ZNF562: variants seen among roughly 807,000 people sequenced by gnomAD.
ZNF562 encodes zinc finger protein 562.
A neutral mutation model predicts 17.5 loss-of-function variants in ZNF562; 13 were observed. The observed-to-expected ratio is 0.74, with a 90% CI of 0.48 to 1.18. The LOEUF (loss-of-function observed/expected upper bound fraction) is 1.18. Ranked by LOEUF, ZNF562 falls within the 50% of genes most tolerant of loss-of-function variation. The pLI is 0.00. For synonymous variants in ZNF562, 163 were observed against 165.4 expected, an observed-to-expected ratio of 0.99 and a Z score of 0.11; for missense variants, 481 against 498.5, an observed-to-expected ratio of 0.96 and a Z score of 0.33.
intron 1 of ZNF562, among the ~76,000 whole-genome samples, chr19:9,666,121 T>G (rs1049217729): frequency 1.3e-5 from 2 of 151,860 alleles, no homozygotes; most frequent in Non-Finnish European, 2.9e-5. Flanking sequence ...GGTCAGGAGT[T>G]CAAGACCAGC....
intron 5 of ZNF562, among the ~76,000 whole-genome samples, chr19:9,654,261 G>A (rs1450887751): frequency 6.6e-6 from 1 of 152,034 alleles, no homozygotes; most frequent in East Asian, 1.9e-4. Flanking sequence ...AAAGTGGTAA[G>A]ATTACAGGCG....
At chr19:9,671,876 T>G (rs2044212608) in intron 1 of ZNF562, among the ~76,000 whole-genome samples, 1 of 152,198 alleles carries the variant, frequency 6.6e-6, no homozygotes, top group African/African-American at 2.4e-5. Flanking sequence ...AATGAACAAC[T>G]AGTCATGGGA....
chr19:9,661,523 C>T (rs776500955), intron 1 of ZNF562, among the ~76,000 whole-genome samples: 7 of 152,188 alleles, frequency 4.6e-5, no homozygotes, highest in South Asian at 2.1e-4. Context: ...TGGTCAGGCA[C>T]GGTGGCTCAT....
chr19:9,654,337 A>G (rs955284608), intron 5 of ZNF562, among the ~76,000 whole-genome samples: 8 of 152,150 alleles, frequency 5.3e-5, no homozygotes, highest in African/African-American at 1.9e-4. Flanking sequence ...TGCCTGGTCT[A>G]TAGTGCACTG....
chr19:9,654,002 T>TC (rs1389682879), intron 5 of ZNF562, 121 bp from the exon 6 acceptor site: 3 of 1,231,380 alleles, frequency 2.4e-6, no homozygotes, highest in African/African-American at 3.1e-5. Flanking sequence ...ATTTTTTTTT[T>TC]TTTTTTGAGA....
intron 4 of ZNF562, among the ~76,000 whole-genome samples, chr19:9,657,126 C>T (rs1475412955): frequency 6.6e-6 from 1 of 150,876 alleles, no homozygotes; most frequent in Non-Finnish European, 1.5e-5. Flanking sequence ...GGGTTTATTA[C>T]ACAACTGATG....
intron 1 of ZNF562, among the ~76,000 whole-genome samples, chr19:9,668,828 C>A (rs1231992928): frequency 6.6e-6 from 1 of 152,026 alleles, no homozygotes; most frequent in Non-Finnish European, 1.5e-5. Flanking sequence ...CATGTACAGA[C>A]AGCTCATTTT....
chr19:9,653,046 G>A lies in ZNF562; in HGVS notation c.1184C>T (p.Thr395Ile), dbSNP rs765004265. The A allele has an allele frequency of 5.6e-6, 9 of 1,598,640 alleles. No individual in the cohort carries two copies. Among genetic ancestry groups the A allele is most frequent in the Non-Finnish European group, 7.7e-6 (9 of 1,172,252 alleles). Residue 395 changes from threonine to isoleucine, a missense_variant, in exon 6 of 6, where the codon ACA (threonine) becomes ATA (isoleucine). Transcript: ENST00000453372. Reference sequence around the variant, plus strand: ...AACACATTCATAAGGCTTCTCTCCTGTGTGAATTCTTCTATGTTGAGTAAG... The same window carrying A: ...AACACATTCATAAGGCTTCTCTCCTATGTGAATTCTTCTATGTTGAGTAAG... ...STLTQHRRIHTGEKPYECVEC... is the reference protein window; with the variant it reads ...STLTQHRRIHIGEKPYECVEC...
At position 9,652,845 on chromosome 19, in the gene ZNF562, G is replaced by GAGCA. The variant is rs1166433404; in HGVS notation, c.*100_*103dup. ...TCATGCATACTTAGGCATGAGGAAA[G>GAGCA]AGCAAATGCTTTCCCAAATTCTTTA... On this transcript the variant is annotated 3_prime_UTR_variant, in exon 6 of 6. Transcript: ENST00000453372. The GAGCA allele has an allele frequency of 3.6e-6, 4 of 1,096,388 alleles. No homozygotes were observed. The highest frequency in any genetic ancestry group is 1.6e-5 in the African/African-American group (1 of 63,466). The allele number at this position is 1,096,388 out of a possible 1,614,324, so 67.9% of individuals were successfully genotyped here. A position where few individuals can be genotyped will look rare whatever the true frequency, so the allele number is the denominator to read the frequency against.
Position 9,651,308 on chromosome 19 carries a change from G to C in ZNF562, c.*1641C>G, listed in dbSNP as rs756865875. ...TTGATATAAAGTGGTGAAGAACTTG[G>C]CAGAACTGTATTCTAGCATTTTACG... On this transcript the variant is annotated 3_prime_UTR_variant, in exon 6 of 6. Transcript: ENST00000453372. 1 of 152,290 alleles carries C rather than the reference G, an allele frequency of 6.6e-6. No homozygotes were observed. The highest frequency in any genetic ancestry group is 2.1e-4 in the South Asian group (1 of 4,830). 9.4% of individuals were successfully genotyped at this position (152,290 alleles called of 1,614,324 possible). A position where few individuals can be genotyped will look rare whatever the true frequency, so the allele number is the denominator to read the frequency against.
In ZNF562 at chr19:9,660,647, C is replaced by T. The variant is rs1263063631; in HGVS notation, c.25+73G>A. 4.0e-6 allele frequency: 6 copies of T among 1,491,248 alleles called. No homozygotes were observed. In the Admixed American group the frequency reaches 1.2e-4, roughly 30 times the overall value. The allele number at this position is 1,491,248 out of a possible 1,614,324, so 92.4% of individuals were successfully genotyped here. The stretch of plus-strand genomic sequence containing the variant: ...AAGCAGCATGCCTGTTCAGGCCCAG[C>T]TCACTGGACTCTTATGTTGTGGAGG... On this transcript the variant is annotated intron_variant, in intron 2 of 5. Transcript: ENST00000453372.
rs1444801505 is a variant in ZNF562, at chr19:9,642,076, A to T, written c.*10873T>A. 2 of 151,428 alleles carry T rather than the reference A, an allele frequency of 1.3e-5. No individual in the cohort carries two copies. Among genetic ancestry groups the T allele is most frequent in the Non-Finnish European group, 1.5e-5 (1 of 67,906 alleles). 9.4% of individuals were successfully genotyped at this position (151,428 alleles called of 1,614,324 possible). A position where few individuals can be genotyped will look rare whatever the true frequency, so the allele number is the denominator to read the frequency against. On this transcript the variant is annotated 3_prime_UTR_variant, in exon 6 of 6. Transcript: ENST00000453372. ...GGTTACAAAGTACATTTACAAGGAG[A>T]GGAAAGGTGTACTGTCACAAGGGCC...
chr19:9,673,599 G>C (rs540691148), intron 1 of ZNF562, among the ~76,000 whole-genome samples: 52 of 151,874 alleles, frequency 3.4e-4, no homozygotes, highest in Non-Finnish European at 5.7e-4. Flanking sequence ...CATCTGGCCT[G>C]GCTTTAAGTA....
chr19:9,673,815 G>A (rs1379051572), intron 1 of ZNF562, among the ~76,000 whole-genome samples: 1 of 151,976 alleles, frequency 6.6e-6, no homozygotes, highest in Admixed American at 6.6e-5. Context: ...AGACCAGCCT[G>A]GCCAACATGG....
Position 9,642,140 on chromosome 19 carries a change from C to T in ZNF562, c.*10809G>A, listed in dbSNP as rs1000691418. 6.6e-6 allele frequency: 1 copy of T among 150,810 alleles called. No individual in the cohort carries two copies. Among genetic ancestry groups the T allele is most frequent in the Non-Finnish European group, 1.5e-5 (1 of 67,810 alleles). 9.3% of individuals were successfully genotyped at this position (150,810 alleles called of 1,614,324 possible). A position where few individuals can be genotyped will look rare whatever the true frequency, so the allele number is the denominator to read the frequency against. On this transcript the variant is annotated 3_prime_UTR_variant, in exon 6 of 6. Coordinates refer to ENST00000453372, the MANE Select transcript of ZNF562 (RefSeq NM_001130031.2). ...ATTCACTAGGTGGGGGAGGATGTAT[C>T]TTATAAAGTACATTCACAAGGGCAG...
In ZNF562 at chr19:9,646,621, A is replaced by G. The variant is rs910282159; in HGVS notation, c.*6328T>C. The G allele has an allele frequency of 1.3e-5, 2 of 152,222 alleles. No individual in the cohort carries two copies. The highest frequency in any genetic ancestry group is 1.9e-4 in the East Asian group (1 of 5,206). 9.4% of individuals were successfully genotyped at this position (152,222 alleles called of 1,614,324 possible). ...AGCAAAGGGAAAGAATGCACAATTA[A>G]TAAGTTATTCCAGAATGCAAAAGGA... is the stretch of plus-strand genomic sequence containing the variant. On this transcript the variant is annotated 3_prime_UTR_variant, in exon 6 of 6. Coordinates refer to ENST00000453372, the MANE Select transcript of ZNF562 (RefSeq NM_001130031.2).
At chr19:9,656,871 A>AATATATATATAT (rs142526474) in intron 4 of ZNF562, among the ~76,000 whole-genome samples, 17 of 142,440 alleles carry the variant, frequency 1.2e-4, no homozygotes, top group African/African-American at 3.4e-4. Flanking sequence ...AAAATACAAA[A>AATATATATATAT]ATATATATAT....
rs1413408751 is a variant in ZNF562 at position 9,645,777 on chromosome 19, C to T, written c.*7172G>A. On this transcript the variant is annotated 3_prime_UTR_variant, in exon 6 of 6. Coordinates refer to ENST00000453372, the MANE Select transcript of ZNF562 (RefSeq NM_001130031.2). ...AAGTGTAGTAAGTGTATATGGGAATCACTTTATTCAAACAGTGTAGTGCAC... is the reference window on the plus strand; with the variant it reads ...AAGTGTAGTAAGTGTATATGGGAATTACTTTATTCAAACAGTGTAGTGCAC... 2 of 152,182 alleles carry T rather than the reference C, an allele frequency of 1.3e-5. No individual in the cohort carries two copies. Among genetic ancestry groups the T allele is most frequent in the Non-Finnish European group, 2.9e-5 (2 of 68,036 alleles). 9.4% of individuals were successfully genotyped at this position (152,182 alleles called of 1,614,324 possible).
chr19:9,674,798 A>G (rs2044345689), intron 1 of ZNF562: 1 of 152,288 alleles, frequency 6.6e-6, no homozygotes, highest in African/African-American at 2.4e-5. Context: ...GTACTCAAGA[A>G]AACACCCGGC....
Sources: gnomAD v4.1 joint callset for allele counts (sites outside exome capture counted in the v4.1 genomes callset) on GRCh38, gnomAD v4.1.1 for gene constraint, MANE v1.5 for transcripts, NCBI Gene and HGNC (gene_info 2026-07-23, HGNC 2026-07-21) for gene names.